TACR1: variants seen among roughly 807,000 people sequenced by gnomAD.
TACR1 encodes the protein substance-P receptor.
A neutral mutation model predicts 35.8 loss-of-function variants in TACR1; 25 were observed. The observed-to-expected ratio is 0.70, with a 90% confidence interval of 0.51 to 0.98. The LOEUF is 0.98. TACR1 is among the 50% of genes least tolerant of loss of function. TACR1 has a pLI of 0.00. For synonymous variants in TACR1, 195 were observed against 206.7 expected (o/e 0.94, Z 0.48); for missense variants, 478 against 522.9 (o/e 0.91, Z 0.84).
chr2:75,089,622 T>G (rs1362085225), intron 2 of TACR1, among the ~76,000 whole-genome samples: 1 of 152,212 alleles, frequency 6.6e-6, no homozygotes, highest in Non-Finnish European at 1.5e-5. Flanking sequence ...TGTAGAAGAC[T>G]TTACTTCTGC....
At chr2:75,093,326 A>T (rs1465341696) in intron 2 of TACR1, among the ~76,000 whole-genome samples, 2 of 152,132 alleles carry the variant, frequency 1.3e-5, no homozygotes, top group African/African-American at 4.8e-5. Context: ...AGATCTCAGG[A>T]ATTAGAGGCT....
At chr2:75,188,894 T>C (rs1200858198) in intron 1 of TACR1, 1 of 152,240 alleles carries the variant, frequency 6.6e-6, no homozygotes, top group Admixed American at 6.5e-5. Flanking sequence ...ATATTTTTGA[T>C]GATTTATGTG....
intron 3 of TACR1, among the ~76,000 whole-genome samples, chr2:75,052,561 A>T (rs1366508752): frequency 6.6e-6 from 1 of 152,238 alleles, no homozygotes; most frequent in African/African-American, 2.4e-5. Flanking sequence ...ACCAAAGAAA[A>T]AAAAAAGGAA....
chr2:75,075,398 C>T (rs1450450963), intron 2 of TACR1, among the ~76,000 whole-genome samples: 1 of 152,162 alleles, frequency 6.6e-6, no homozygotes, highest in Non-Finnish European at 1.5e-5. Flanking sequence ...ATGAATTTCA[C>T]TTTAAAACAT....
chr2:75,110,337 A>C (rs1673727046), intron 2 of TACR1, among the ~76,000 whole-genome samples: 1 of 151,854 alleles, frequency 6.6e-6, no homozygotes, highest in Non-Finnish European at 1.5e-5. Context: ...TAGATGTCTT[A>C]AAAATTTCAC....
At chr2:75,064,902 G>A (rs1046547109) in intron 2 of TACR1, among the ~76,000 whole-genome samples, 1 of 152,324 alleles carries the variant, frequency 6.6e-6, no homozygotes, top group Non-Finnish European at 1.5e-5. Context: ...GGTAAGTTAA[G>A]GTTCTTACTT....
chr2:75,177,210 G>A (rs1451812053), intron 1 of TACR1, among the ~76,000 whole-genome samples: 5 of 151,226 alleles, frequency 3.3e-5, no homozygotes, highest in Non-Finnish European at 5.9e-5. Context: ...GCACCATGTT[G>A]AAGCCATTTC....
At chr2:75,054,469 T>TCA (rs1672534332) in intron 2 of TACR1, among the ~76,000 whole-genome samples, 1 of 152,132 alleles carries the variant, frequency 6.6e-6, no homozygotes, top group Non-Finnish European at 1.5e-5. Context: ...GGTCCCTGAA[T>TCA]TACCCATTGG....
rs770472061 is a variant in TACR1, at chr2:75,094,838, C to CATATATATAT, written c.584+25726_584+25735dup. Among the ~76,000 whole-genome samples, 411 of 119,812 alleles carry CATATATATAT rather than the reference C, an allele frequency of 3.4e-3. 18 individuals carry two copies. The highest frequency in any genetic ancestry group is 0.017 in the African/African-American group (362 of 21,512). 78.6% of individuals were successfully genotyped at this position (119,812 alleles called of 152,430 possible). On this transcript the variant is annotated intron_variant, in intron 2 of 4. Transcript: ENST00000305249. ...AAATTGCAAGCTGAGGAAGCAGAAA[C>CATATATATAT]ATATATATATATATATATATATTTT...
chr2:75,120,959 C>T (rs1380796165), intron 1 of TACR1, among the ~76,000 whole-genome samples, 191 bp from the exon 2 acceptor site: 1 of 152,112 alleles, frequency 6.6e-6, no homozygotes, highest in Non-Finnish European at 1.5e-5. Flanking sequence ...TGCCAACATG[C>T]GTAAGAAAAG....
At chr2:75,164,932 C>T (rs1009654005) in intron 1 of TACR1, among the ~76,000 whole-genome samples, 4 of 152,182 alleles carry the variant, frequency 2.6e-5, no homozygotes, top group African/African-American at 4.8e-5. Context: ...GAAGTTGGAT[C>T]CATGACCATG....
intron 2 of TACR1, among the ~76,000 whole-genome samples, chr2:75,099,893 A>G (rs894444414): frequency 6.6e-6 from 1 of 152,164 alleles, no homozygotes; most frequent in Non-Finnish European, 1.5e-5. Context: ...CATACCTCAG[A>G]CCTCACAGAA....
chr2:75,089,512 C>T (rs889514057), intron 2 of TACR1, among the ~76,000 whole-genome samples: 1 of 152,284 alleles, frequency 6.6e-6, no homozygotes, highest in Admixed American at 6.5e-5. Flanking sequence ...ATCACTCTTG[C>T]TTGAAAGTAT....
At chr2:75,094,859 A>ATATATAT in intron 2 of TACR1, among the ~76,000 whole-genome samples, 3 of 113,108 alleles carry the variant, frequency 2.7e-5, no homozygotes, top group African/African-American at 1.4e-4. Context: ...ATATATATAT[A>ATATATAT]TTTTTTTTTT....
intron 2 of TACR1, among the ~76,000 whole-genome samples, chr2:75,117,618 G>A (rs1011037460): frequency 6.6e-6 from 1 of 152,086 alleles, no homozygotes; most frequent in Non-Finnish European, 1.5e-5. Flanking sequence ...ACTTACAATA[G>A]GGTTAGATCC....
chr2:75,125,804 C>T (rs190604594), intron 1 of TACR1, among the ~76,000 whole-genome samples: 137 of 152,296 alleles, frequency 9.0e-4, no homozygotes, highest in African/African-American at 3.2e-3. Context: ...GGAATTGGCT[C>T]TTCAGAATTT....
At chr2:75,181,384 G>C (rs1675555203) in intron 1 of TACR1, among the ~76,000 whole-genome samples, 1 of 150,138 alleles carries the variant, frequency 6.7e-6, no homozygotes, top group African/African-American at 2.4e-5. Context: ...TCATTAAGGG[G>C]AAAAAAAAAT....
intron 2 of TACR1, among the ~76,000 whole-genome samples, chr2:75,062,582 T>C (rs544203659): frequency 1.8e-4 from 28 of 152,364 alleles, no homozygotes; most frequent in African/African-American, 6.7e-4. Context: ...ATTTGAGTTA[T>C]TTACAATGAT....
intron 1 of TACR1, among the ~76,000 whole-genome samples, chr2:75,175,390 A>G (rs530061952): frequency 1.6e-4 from 25 of 152,254 alleles, no homozygotes; most frequent in Non-Finnish European, 3.4e-4. Context: ...AATAAAGTGA[A>G]TAGTTCCTAT....
Sources: allele counts gnomAD v4.1 joint callset (sites outside exome capture counted in the v4.1 genomes callset), GRCh38; gene constraint gnomAD v4.1.1; transcripts MANE v1.5; gene names NCBI Gene and HGNC (gene_info 2026-07-23, HGNC 2026-07-21).